TLL1: variants seen among roughly 807,000 people sequenced by gnomAD.
TLL1 encodes the protein tolloid-like protein 1.
TLL1 carries 49 observed loss-of-function variants against 128.2 expected under a neutral mutation model. That is an observed-to-expected ratio of 0.38 (90% CI 0.30 to 0.48). TLL1 has a LOEUF of 0.48. TLL1 is among the 20% of genes least tolerant of loss of function. The pLI is 0.96. For synonymous variants in TLL1, 454 were observed against 418.8 expected (o/e 1.08, Z -1.03); for missense variants, 1,123 against 1,242.0 (o/e 0.90, Z 1.44).
intron 18 of TLL1, among the ~76,000 whole-genome samples, chr4:166,078,377 G>A (rs1170931367): frequency 2.0e-5 from 3 of 152,160 alleles, no homozygotes; most frequent in Admixed American, 6.6e-5. Flanking sequence ...GCCAGAAAGC[G>A]ATAGAATAAT....
intron 1 of TLL1, among the ~76,000 whole-genome samples, chr4:165,963,931 CAT>C (rs143707596): frequency 3.3e-5 from 5 of 152,260 alleles, no homozygotes; most frequent in Non-Finnish European, 5.9e-5. Context: ...ACTGAAATAA[CAT>C]GTGTTAAACC....
At chr4:166,084,473 G>A (rs1431940835) in intron 18 of TLL1, among the ~76,000 whole-genome samples, 2 of 152,058 alleles carry the variant, frequency 1.3e-5, no homozygotes, top group African/African-American at 2.4e-5. Context: ...CCAATGTCAT[G>A]GAACTTTTCC....
intron 1 of TLL1, among the ~76,000 whole-genome samples, chr4:165,966,713 A>C (rs757934137): frequency 6.6e-6 from 1 of 152,140 alleles, no homozygotes; most frequent in East Asian, 1.9e-4. Flanking sequence ...TATGGATTTC[A>C]AAAGGGGAGG....
At chr4:166,100,633 G>A in intron 20 of TLL1, 109 bp from the exon 21 acceptor site, 2 of 1,430,608 alleles carry the variant, frequency 1.4e-6, no homozygotes, top group Admixed American at 1.7e-5. Flanking sequence ...TTGTTGGGAG[G>A]ATTAAATTAT....
At chr4:165,940,336 G>C (rs1733948711) in intron 1 of TLL1, among the ~76,000 whole-genome samples, 1 of 151,866 alleles carries the variant, frequency 6.6e-6, no homozygotes, top group South Asian at 2.1e-4. Context: ...ACTGCTGCTT[G>C]AATCCAATTT....
chr4:165,979,020 TG>T (rs1053318395), intron 1 of TLL1, among the ~76,000 whole-genome samples: 1 of 151,604 alleles, frequency 6.6e-6, no homozygotes, highest in Non-Finnish European at 1.5e-5. Flanking sequence ...CAAGGGTCTT[TG>T]GGGTTTTCTT....
intron 18 of TLL1, among the ~76,000 whole-genome samples, chr4:166,082,853 T>G (rs1439881482): frequency 1.3e-5 from 2 of 151,936 alleles, no homozygotes; most frequent in Non-Finnish European, 2.9e-5. Context: ...AATTTTTGTA[T>G]TTTTGTAGAG....
Position 165,910,711 on chromosome 4 carries a change from T to C in TLL1, c.169+36638T>C, listed in dbSNP as rs537582857. 5.3e-5 allele frequency among the ~76,000 whole-genome samples: 8 copies of C among 152,326 alleles called. No homozygotes were observed. The East Asian group carries it at 1.5e-3, about 29-fold the overall frequency. On this transcript the variant is annotated intron_variant, in intron 1 of 20. Coordinates refer to ENST00000061240, the MANE Select transcript of TLL1 (RefSeq NM_012464.5). The stretch of plus-strand genomic sequence containing the variant: ...TGGAATTTGCACCAGTACTAAGTAA[T>C]TTAATAAAACAATGCATTATGTCAA...
chr4:166,014,395 A>T, intron 7 of TLL1, 41 bp from the exon 8 acceptor site: 1 of 1,610,620 alleles, frequency 6.2e-7, no homozygotes, highest in Non-Finnish European at 8.5e-7. Flanking sequence ...ATGAGTTTTC[A>T]TTTGGTGACT....
intron 1 of TLL1, among the ~76,000 whole-genome samples, chr4:165,967,054 T>G (rs957785573): frequency 3.3e-5 from 5 of 152,240 alleles, no homozygotes; most frequent in African/African-American, 1.2e-4. Context: ...GTTTAGATAC[T>G]TCCCCCTAGG....
chr4:166,053,437 G>T (rs995384393), intron 12 of TLL1: 5 of 152,056 alleles, frequency 3.3e-5, no homozygotes, highest in African/African-American at 7.2e-5. Context: ...CACCAGGAGG[G>T]CAAGGTTATT....
At chr4:166,019,123 A>AT (rs1481398621) in intron 8 of TLL1, among the ~76,000 whole-genome samples, 1 of 152,196 alleles carries the variant, frequency 6.6e-6, no homozygotes, top group African/African-American at 2.4e-5. Context: ...CTAGGCAGTC[A>AT]TAAAAAATAA....
intron 8 of TLL1, among the ~76,000 whole-genome samples, chr4:166,018,187 C>A (rs555902357): frequency 1.3e-5 from 2 of 152,034 alleles, no homozygotes; most frequent in African/African-American, 4.8e-5. Flanking sequence ...CAAAAACAAG[C>A]AATGGGGAAA....
rs541796042 is a variant in TLL1, at chr4:165,960,973, A to C, written c.170-28408A>C. Among the ~76,000 whole-genome samples, 150 of 152,184 alleles carry C rather than the reference A, an allele frequency of 9.9e-4. 2 individuals are homozygous for C. Among genetic ancestry groups the C allele is most frequent in the Middle Eastern group, 3.4e-3 (1 of 294 alleles). On this transcript the variant is annotated intron_variant, in intron 1 of 20. Transcript: ENST00000061240. ...ACATGGTACTGGAGGTTCTACCCGG[A>C]ATAATCAGGCAAGAGAAAGAAATAA...
At chr4:166,090,691 A>G (rs1741727010) in intron 18 of TLL1, among the ~76,000 whole-genome samples, 1 of 152,080 alleles carries the variant, frequency 6.6e-6, no homozygotes, top group South Asian at 2.1e-4. Flanking sequence ...AAAATATAAT[A>G]ATACTTTATT....
intron 13 of TLL1, among the ~76,000 whole-genome samples, chr4:166,055,922 T>C (rs1739982541): frequency 6.6e-6 from 1 of 152,126 alleles, no homozygotes; most frequent in African/African-American, 2.4e-5. Flanking sequence ...AAAATTTTTC[T>C]ATGGGAAGAG....
At chr4:165,911,941 T>A (rs183676556) in intron 1 of TLL1, among the ~76,000 whole-genome samples, 1 of 152,280 alleles carries the variant, frequency 6.6e-6, no homozygotes, top group East Asian at 1.9e-4. Context: ...AGTGGCATGA[T>A]CTTGGCTCAC....
At chr4:165,976,372 ATAAACT>A (rs1295415433) in intron 1 of TLL1, among the ~76,000 whole-genome samples, 6 of 152,228 alleles carry the variant, frequency 3.9e-5, no homozygotes, top group Admixed American at 6.5e-5. Flanking sequence ...TTACCTAGAA[ATAAACT>A]TAACAAGGCA....
intron 11 of TLL1, among the ~76,000 whole-genome samples, chr4:166,042,904 C>T (rs1392662279): frequency 1.3e-5 from 2 of 152,176 alleles, no homozygotes; most frequent in Non-Finnish European, 2.9e-5. Context: ...TGAGGCTCCT[C>T]TTCTGATGAG....
Sources: allele counts gnomAD v4.1 joint callset (sites outside exome capture counted in the v4.1 genomes callset), GRCh38; gene constraint gnomAD v4.1.1; transcripts MANE v1.5; gene names NCBI Gene and HGNC (gene_info 2026-07-23, HGNC 2026-07-21).